Variants in TBC1D9 observed in about 807,000 individuals in gnomAD.
The protein encoded by TBC1D9 is TBC1 domain family member 9.
Under a neutral mutation model 132.0 loss-of-function variants are expected in TBC1D9, and 63 were observed. The observed-to-expected ratio is 0.48, with a 90% CI of 0.39 to 0.59. TBC1D9 has a LOEUF of 0.59. Among genes scored for constraint, TBC1D9 ranks in the 20% least tolerant of loss-of-function variants. The pLI, the probability that TBC1D9 is intolerant of heterozygous loss-of-function variation, is 0.00. For synonymous variants in TBC1D9, 610 were observed against 609.9 expected (o/e 1.00, Z 0.00); for missense variants, 1,261 against 1,592.7 (o/e 0.79, Z 3.54).
intron 1 of TBC1D9, among the ~76,000 whole-genome samples, chr4:140,733,010 T>C (rs1738618846): frequency 6.6e-6 from 1 of 152,208 alleles, no homozygotes; most frequent in Non-Finnish European, 1.5e-5. Flanking sequence ...GCAGACTGTC[T>C]CCTTGACGTT....
intron 1 of TBC1D9, among the ~76,000 whole-genome samples, chr4:140,752,858 G>A (rs1024270901): frequency 6.6e-6 from 1 of 152,156 alleles, no homozygotes; most frequent in Middle Eastern, 3.4e-3. Context: ...ACCACACTTT[G>A]AGACCACTTC....
At chr4:140,664,102 T>G (rs921384087) in intron 9 of TBC1D9, among the ~76,000 whole-genome samples, 2 of 150,194 alleles carry the variant, frequency 1.3e-5, no homozygotes, top group Non-Finnish European at 3.0e-5. Flanking sequence ...CAATGTGAGG[T>G]AATAGATATG....
At chr4:140,718,538 CAAT>C (rs1738374766) in intron 1 of TBC1D9, among the ~76,000 whole-genome samples, 3 of 152,264 alleles carry the variant, frequency 2.0e-5, no homozygotes, top group South Asian at 2.1e-4. Flanking sequence ...TAAGCAACAA[CAAT>C]GACTGAACAT....
intron 1 of TBC1D9, among the ~76,000 whole-genome samples, chr4:140,743,019 TGGAG>T (rs908965363): frequency 5.5e-5 from 8 of 146,454 alleles, no homozygotes; most frequent in Admixed American, 4.8e-4. Flanking sequence ...AAGGAAGGGA[TGGAG>T]GGAGGGAGGA....
chr4:140,631,931 C>A (rs1234642261), intron 16 of TBC1D9, among the ~76,000 whole-genome samples: 6 of 152,282 alleles, frequency 3.9e-5, no homozygotes, highest in African/African-American at 1.4e-4. Flanking sequence ...GACAGAATTT[C>A]TCATTTCTGC....
Position 140,679,654 on chromosome 4 carries a change from T to C in TBC1D9, c.550A>G (p.Asn184Asp). Residue 184 changes from asparagine (N) to aspartate (D), a missense_variant, in exon 4 of 21, where the codon AAC becomes GAC. By Grantham distance (23) the Asn-to-Asp change is conservative. Around this residue, in one of 3 missense-constraint regions of TBC1D9, gnomAD observed 550 missense variants for 699.0 expected, o/e 0.79. Coordinates refer to ENST00000442267, the MANE Select transcript of TBC1D9 (RefSeq NM_015130.3). ...PRQGWMYLSI[N>D]HLCFYSFLMG... is the part of the protein sequence containing the mutation. Reference sequence around the variant, plus strand: ...AGAAAAGAATAAAAGCAAAGGTGGTTAATGCTGAGGTACATCCAACCCTGA... The same window carrying C: ...AGAAAAGAATAAAAGCAAAGGTGGTCAATGCTGAGGTACATCCAACCCTGA... 6.2e-7 allele frequency: 1 copy of C among 1,613,810 alleles called. No homozygotes were observed.
At chr4:140,638,984 T>C in intron 15 of TBC1D9, 102 bp downstream of exon 15, 1 of 803,068 alleles carries the variant, frequency 1.2e-6, no homozygotes, top group South Asian at 1.9e-5. Context: ...GCTTCCTATT[T>C]ATATTATCCC....
chr4:140,719,590 T>C (rs558877358), intron 1 of TBC1D9, among the ~76,000 whole-genome samples: 181 of 152,286 alleles, frequency 1.2e-3, no homozygotes, highest in Admixed American at 2.9e-3. Flanking sequence ...TGATGTGATT[T>C]CATCCTTAGC....
At chr4:140,716,651 G>T (rs1385222465) in intron 1 of TBC1D9, among the ~76,000 whole-genome samples, 1 of 152,046 alleles carries the variant, frequency 6.6e-6, no homozygotes, top group Non-Finnish European at 1.5e-5. Flanking sequence ...CAACAGAGGG[G>T]TAGGATACCA....
chr4:140,643,227 T>TTC, intron 13 of TBC1D9: 2 of 1,344,194 alleles, frequency 1.5e-6, no homozygotes, highest in Non-Finnish European at 2.1e-6. Flanking sequence ...ACCTCCCACC[T>TTC]TCTTGCTCCT....
At chr4:140,719,959 C>A (rs1738397466) in intron 1 of TBC1D9, among the ~76,000 whole-genome samples, 2 of 152,130 alleles carry the variant, frequency 1.3e-5, no homozygotes, top group South Asian at 4.1e-4. Context: ...GACCTTGGGG[C>A]AAGCTATATA....
intron 10 of TBC1D9, 122 bp downstream of exon 10, chr4:140,661,771 G>T: frequency 2.5e-6 from 2 of 800,384 alleles, no homozygotes; most frequent in Non-Finnish European, 4.0e-6. Context: ...ACAGTGCCAA[G>T]GTTGAGAGGC....
intron 2 of TBC1D9, among the ~76,000 whole-genome samples, chr4:140,698,707 G>A (rs1014431244): frequency 6.6e-5 from 10 of 150,386 alleles, no homozygotes; most frequent in African/African-American, 2.2e-4. Flanking sequence ...CACTGCACTC[G>A]AGCCTGGGCG....
intron 9 of TBC1D9, among the ~76,000 whole-genome samples, chr4:140,663,136 A>C: frequency 6.6e-6 from 1 of 152,210 alleles, no homozygotes; most frequent in Non-Finnish European, 1.5e-5. Context: ...ATATCTGCAA[A>C]CCATATGTCT....
At chr4:140,700,159 A>T (rs1317563336) in intron 2 of TBC1D9, among the ~76,000 whole-genome samples, 1 of 151,986 alleles carries the variant, frequency 6.6e-6, no homozygotes. Context: ...ATTAAAAAAA[A>T]AAATAAAAGT....
chr4:140,640,951 C>T (rs1425475850), intron 13 of TBC1D9, among the ~76,000 whole-genome samples: 4 of 151,548 alleles, frequency 2.6e-5, no homozygotes, highest in African/African-American at 9.7e-5. Flanking sequence ...TTAATAGTGA[C>T]ACTATTAACC....
At chr4:140,623,337 G>C (rs1736654872) in intron 20 of TBC1D9, among the ~76,000 whole-genome samples, 1 of 152,098 alleles carries the variant, frequency 6.6e-6, no homozygotes, top group African/African-American at 2.4e-5. Flanking sequence ...CAAAGTGCTG[G>C]AATTACAGGT....
intron 18 of TBC1D9, 127 bp from the exon 19 acceptor site, chr4:140,624,515 A>G (rs1329529426): frequency 2.6e-6 from 2 of 763,610 alleles, no homozygotes; most frequent in Non-Finnish European, 4.2e-6. Context: ...AAACAAACAA[A>G]AAAAAACTCC....
chr4:140,712,061 G>A (rs1210477590), intron 1 of TBC1D9: 11 of 152,052 alleles, frequency 7.2e-5, no homozygotes, highest in Non-Finnish European at 1.5e-5. Flanking sequence ...CAAACAGACA[G>A]TTACCATGGT....
Sources: gnomAD v4.1 joint callset for allele counts (sites outside exome capture counted in the v4.1 genomes callset) on GRCh38, gnomAD v4.1.1 for gene constraint, gnomAD v4.1.1 regional missense constraint, MANE v1.5 for transcripts, NCBI Gene and HGNC (gene_info 2026-07-23, HGNC 2026-07-21) for gene names.